PSME3IP1: variants seen among roughly 807,000 people sequenced by gnomAD.
PSME3IP1 encodes proteasome activator subunit 3 interacting protein 1, also known as PSME3-interacting protein.
Under a neutral mutation model 34.1 loss-of-function variants are expected in PSME3IP1, and 13 were observed. The ratio of observed to expected loss-of-function variants is 0.38; its 90% CI spans 0.25 to 0.61. The LOEUF (loss-of-function observed/expected upper bound fraction) is 0.61. PSME3IP1 is among the 20% of genes least tolerant of loss of function. The probability of loss-of-function intolerance (pLI) is 0.60; values close to 1 mark genes in which losing one functional copy is unlikely to be tolerated. For synonymous variants in PSME3IP1, 93 were observed against 114.3 expected (o/e 0.81, Z 1.19); for missense variants, 237 against 301.4 (o/e 0.79, Z 1.58).
intron 6 of PSME3IP1, among the ~76,000 whole-genome samples, chr16:57,161,562 A>C (rs1449895223): frequency 5.0e-5 from 7 of 139,546 alleles, no homozygotes; most frequent in Admixed American, 1.5e-4. Flanking sequence ...CCCAGGCTGG[A>C]GTGCAGTGGC....
rs150805863 is a variant in PSME3IP1 at position 57,168,952 on chromosome 16, C to T, written c.349-1726G>A. ...CTCAATATTAAATATTAAAAAAAAA[C>T]AAAAATGGAAAAAAAACACAACAAA... On this transcript the variant is annotated intron_variant, in intron 4 of 6. Coordinates refer to ENST00000309137, the MANE Select transcript of PSME3IP1 (RefSeq NM_024946.4). Among the ~76,000 whole-genome samples the T allele has an allele frequency of 4.1e-3, 580 of 142,164 alleles. 6 individuals are homozygous for T. The highest frequency in any genetic ancestry group is 0.015 in the African/African-American group (558 of 38,340). The allele number at this position is 142,164 out of a possible 152,430, so 93.3% of individuals were successfully genotyped here. A position where few individuals can be genotyped will look rare whatever the true frequency, so the allele number is the denominator to read the frequency against.
At chr16:57,179,851 A>C (rs769729236) in intron 1 of PSME3IP1, among the ~76,000 whole-genome samples, 3 of 152,244 alleles carry the variant, frequency 2.0e-5, no homozygotes, top group Non-Finnish European at 4.4e-5. Context: ...TGTTCAAGTC[A>C]CACTGTACTT....
intron 6 of PSME3IP1, among the ~76,000 whole-genome samples, chr16:57,163,128 G>A (rs2071459561): frequency 1.3e-5 from 2 of 151,996 alleles, no homozygotes; most frequent in South Asian, 4.1e-4. Context: ...TTGAGCCACT[G>A]CACTCCAGCC....
In PSME3IP1 at chr16:57,177,894, G is replaced by A. The variant is rs118005239; in HGVS notation, c.-15-4025C>T. ...TAGTCCCAGCTACTCACAGGCTGAGGTGGGAGGATCATTTACTCCAGGAGG... is the reference window on the plus strand; with the variant it reads ...TAGTCCCAGCTACTCACAGGCTGAGATGGGAGGATCATTTACTCCAGGAGG... On this transcript the variant is annotated intron_variant, in intron 1 of 6. Transcript: ENST00000309137. 9.9e-5 allele frequency among the ~76,000 whole-genome samples: 15 copies of A among 152,258 alleles called. No individual in the cohort carries two copies. In the East Asian group the frequency reaches 2.9e-3, roughly 29 times the overall value.
intron 1 of PSME3IP1, among the ~76,000 whole-genome samples, chr16:57,182,399 C>G (rs572919119): frequency 7.2e-5 from 7 of 97,152 alleles, no homozygotes; most frequent in Non-Finnish European, 1.2e-4. Flanking sequence ...TCCCTCCCCC[C>G]ACCCTATATA....
chr16:57,156,072 C>G (rs1597554653), intron 6 of PSME3IP1, among the ~76,000 whole-genome samples: 1 of 152,162 alleles, frequency 6.6e-6, no homozygotes, highest in Non-Finnish European at 1.5e-5. Context: ...GTTAAGAACT[C>G]TACTCCAGCC....
At chr16:57,185,676 G>C in intron 1 of PSME3IP1, 145 bp downstream of exon 1, 8 of 985,554 alleles carry the variant, frequency 8.1e-6, no homozygotes, top group Non-Finnish European at 9.6e-6. Flanking sequence ...GCAAGCCCCA[G>C]GCTTCGGCTA....
chr16:57,160,335 A>G (rs1597598979), intron 6 of PSME3IP1, among the ~76,000 whole-genome samples: 2 of 151,890 alleles, frequency 1.3e-5, no homozygotes, highest in East Asian at 3.9e-4. Context: ...ATGAAGCTTT[A>G]TGTGTGTGTG....
chr16:57,180,266 T>A (rs1272624315), intron 1 of PSME3IP1, among the ~76,000 whole-genome samples: 1 of 152,216 alleles, frequency 6.6e-6, no homozygotes, highest in East Asian at 1.9e-4. Context: ...AGCTTTGCAA[T>A]AATCTTTCAG....
rs1237109911 is a variant in PSME3IP1 at position 57,185,832 on chromosome 16, C to T, written c.-27G>A. On this transcript the variant is annotated 5_prime_UTR_variant, in exon 1 of 7. Transcript: ENST00000309137. ...GAGGCCGCACTCACCTACCGGCGCG[C>T]GGGAGGCGAGACGACCTCACCTCGG... is the stretch of plus-strand genomic sequence containing the variant. The T allele has an allele frequency of 5.1e-6, 5 of 985,214 alleles. No homozygotes were observed. The highest frequency in any genetic ancestry group is 9.4e-5 in the South Asian group (2 of 21,280). The allele number at this position is 985,214 out of a possible 1,614,324, so 61.0% of individuals were successfully genotyped here.
At position 57,171,735 on chromosome 16, in the gene PSME3IP1, T is replaced by C. The variant is rs1173311753; in HGVS notation, c.348+516A>G. On this transcript the variant is annotated intron_variant, in intron 4 of 6. Transcript: ENST00000309137. ...AGAGTGGGGGTGATGTGGCACAGTA[T>C]TGAGAATTTTGATTCAGCCAAGTTT... Among the ~76,000 whole-genome samples, 9 of 152,140 alleles carry C rather than the reference T, an allele frequency of 5.9e-5. No homozygotes were observed. The South Asian group carries it at 6.2e-4, about 11-fold the overall frequency.
intron 1 of PSME3IP1, chr16:57,178,680 A>C: frequency 2.0e-6 from 2 of 985,194 alleles, no homozygotes; most frequent in Non-Finnish European, 2.4e-6. Flanking sequence ...TGCAGTAAGA[A>C]ACAAAGGACT....
intron 6 of PSME3IP1, among the ~76,000 whole-genome samples, chr16:57,157,683 T>G (rs1273158388): frequency 6.6e-6 from 1 of 151,856 alleles, no homozygotes; most frequent in Non-Finnish European, 1.5e-5. Flanking sequence ...TGGGCTCAAG[T>G]GATGTTCCCG....
intron 1 of PSME3IP1, among the ~76,000 whole-genome samples, chr16:57,183,511 T>G (rs2073909667): frequency 6.6e-6 from 1 of 152,064 alleles, no homozygotes; most frequent in Admixed American, 6.6e-5. Context: ...TTTTGTATTT[T>G]TAGTAGAGAC....
chr16:57,184,469 A>G (rs1383823526), intron 1 of PSME3IP1, among the ~76,000 whole-genome samples: 2 of 152,268 alleles, frequency 1.3e-5, no homozygotes, highest in Non-Finnish European at 2.9e-5. Context: ...GATTTTAGAC[A>G]AAACAATCTT....
intron 3 of PSME3IP1, 147 bp downstream of exon 3, chr16:57,172,629 A>C (rs1331987166): frequency 1.3e-6 from 1 of 755,892 alleles, no homozygotes; most frequent in Non-Finnish European, 2.3e-6. Context: ...AGAAGGCTGA[A>C]GGCTGTCTCT....
Position 57,153,349 on chromosome 16 carries a change from A to G in PSME3IP1, c.*941T>C, listed in dbSNP as rs2070142231. ...AATAGATTCCACAGTTAAAAGCACA[A>G]GTATAATATGCATTAAACAGAGAAG... On this transcript the variant is annotated 3_prime_UTR_variant, in exon 7 of 7. Coordinates refer to ENST00000309137, the MANE Select transcript of PSME3IP1 (RefSeq NM_024946.4). The G allele has an allele frequency of 1.3e-5, 2 of 152,232 alleles. No individual in the cohort carries two copies. Among genetic ancestry groups the G allele is most frequent in the African/African-American group, 4.8e-5 (2 of 41,454 alleles). 9.4% of individuals were successfully genotyped at this position (152,232 alleles called of 1,614,324 possible).
At chr16:57,179,494 T>C (rs1293056523) in intron 1 of PSME3IP1, among the ~76,000 whole-genome samples, 2 of 152,244 alleles carry the variant, frequency 1.3e-5, no homozygotes, top group African/African-American at 2.4e-5. Context: ...CATAGCACAC[T>C]ACACATGTTT....
At chr16:57,184,414 A>C (rs111731958) in intron 1 of PSME3IP1, among the ~76,000 whole-genome samples, 5,624 of 152,352 alleles carry the variant, frequency 0.037, 109 homozygotes, top group Middle Eastern at 0.11. Flanking sequence ...GGAAATACAG[A>C]AAACCAAACA....
Sources: allele counts gnomAD v4.1 joint callset (sites outside exome capture counted in the v4.1 genomes callset), GRCh38; gene constraint gnomAD v4.1.1; transcripts MANE v1.5; gene names NCBI Gene and HGNC (gene_info 2026-07-23, HGNC 2026-07-21).